Variants in RNF144A observed in about 807,000 individuals in gnomAD.
The protein encoded by RNF144A is E3 ubiquitin-protein ligase RNF144A.
RNF144A carries 11 observed loss-of-function variants against 38.7 expected under a neutral mutation model. The ratio of observed to expected loss-of-function variants is 0.28; its 90% confidence interval spans 0.18 to 0.47. The LOEUF (loss-of-function observed/expected upper bound fraction) is 0.47. Ranked by LOEUF, RNF144A falls within the 20% of genes least tolerant of loss-of-function variation. RNF144A has a pLI of 0.99. For synonymous variants in RNF144A, 149 were observed against 143.9 expected (o/e 1.04, Z -0.25); for missense variants, 316 against 377.2 (o/e 0.84, Z 1.34).
At chr2:7,048,305 G>A (rs557040103), downstream of RNF144A, among the ~76,000 whole-genome samples, 1 of 152,172 alleles carries the variant, frequency 6.6e-6, no homozygotes, top group African/African-American at 2.4e-5. Context: ...GGTGCCCATC[G>A]CAGGACAAAC....
chr2:6,942,530 C>T (rs1213254634), intron 2 of RNF144A, among the ~76,000 whole-genome samples: 1 of 152,212 alleles, frequency 6.6e-6, no homozygotes, highest in Non-Finnish European at 1.5e-5. Flanking sequence ...TCTGGATAGT[C>T]TGAAGAGAGA....
chr2:7,020,356 T>G, intron 5 of RNF144A, 117 bp from the exon 6 acceptor site: 1 of 850,696 alleles, frequency 1.2e-6, no homozygotes. Context: ...CTGGTGGTGC[T>G]GGCTGTATTA....
In RNF144A at chr2:7,059,618, C is replaced by T. The variant is rs375910232; in HGVS notation, c.735-8598C>T. ...GCAGAGTGACCAGTATAGAGAGAACCTTGGGGACCAGCTGGAGGCAGATAG... is the reference window on the plus strand; with the variant it reads ...GCAGAGTGACCAGTATAGAGAGAACTTTGGGGACCAGCTGGAGGCAGATAG... On this transcript the variant is annotated intron_variant, in intron 6 of 6. Coordinates refer to the RNF144A transcript ENST00000432850. Among the ~76,000 whole-genome samples the T allele has an allele frequency of 7.2e-5, 11 of 152,308 alleles. No individual in the cohort carries two copies. The South Asian group carries it at 2.3e-3, about 32-fold the overall frequency.
intron 1 of RNF144A, among the ~76,000 whole-genome samples, chr2:6,931,721 G>A (rs1665219479): frequency 6.6e-6 from 1 of 152,112 alleles, no homozygotes; most frequent in Admixed American, 6.5e-5. Context: ...TTAATCTCCA[G>A]ATATTTGGAG....
chr2:7,046,657 TC>T (rs1673317680), downstream of RNF144A, among the ~76,000 whole-genome samples: 1 of 152,164 alleles, frequency 6.6e-6, no homozygotes, highest in Non-Finnish European at 1.5e-5. Context: ...AGGACCCTCT[TC>T]CCTCCTGTTT....
chr2:7,037,988 G>T (rs908271873), intron 8 of RNF144A, among the ~76,000 whole-genome samples: 1 of 152,230 alleles, frequency 6.6e-6, no homozygotes, highest in African/African-American at 2.4e-5. Flanking sequence ...TCTGTGAATG[G>T]CGAGGCCGGC....
At chr2:7,057,409 T>C (rs188107048) in intron 6 of RNF144A, among the ~76,000 whole-genome samples, 30 of 152,228 alleles carry the variant, frequency 2.0e-4, no homozygotes, top group Middle Eastern at 3.4e-3. Context: ...CTGGAGGAAA[T>C]TGGGGAGTCC....
chr2:6,964,452 C>G (rs1667525359), intron 2 of RNF144A, among the ~76,000 whole-genome samples: 1 of 152,194 alleles, frequency 6.6e-6, no homozygotes, highest in Non-Finnish European at 1.5e-5. Context: ...CCATTTGACC[C>G]AGCCATCCCA....
chr2:6,991,669 T>C (rs1334774974), intron 2 of RNF144A, among the ~76,000 whole-genome samples: 1 of 152,178 alleles, frequency 6.6e-6, no homozygotes, highest in African/African-American at 2.4e-5. Context: ...AATAGCAAAC[T>C]ATCAAAGTCT....
chr2:7,001,812 A>AACATTGCTG (rs1670125984), intron 3 of RNF144A, among the ~76,000 whole-genome samples: 1 of 152,226 alleles, frequency 6.6e-6, no homozygotes, highest in Admixed American at 6.5e-5. Context: ...TGCGTGGCTG[A>AACATTGCTG]ACATTGCTGT....
intron 6 of RNF144A, among the ~76,000 whole-genome samples, chr2:7,056,903 C>CT (rs1558468221): frequency 6.6e-6 from 1 of 152,226 alleles, no homozygotes; most frequent in Non-Finnish European, 1.5e-5. Context: ...CCCCGGCAGT[C>CT]TGTCTGCCTG....
chr2:7,054,281 A>C (rs867430768), intron 6 of RNF144A, among the ~76,000 whole-genome samples: 1 of 152,244 alleles, frequency 6.6e-6, no homozygotes. Context: ...GTGTTCTTTC[A>C]GCCATCACCC....
intron 7 of RNF144A, 106 bp downstream of exon 7, chr2:7,024,622 T>G: frequency 1.6e-6 from 2 of 1,245,434 alleles, no homozygotes; most frequent in South Asian, 1.4e-5. Flanking sequence ...TGCCTACTCC[T>G]GTGTAACAGT....
intron 5 of RNF144A, among the ~76,000 whole-genome samples, chr2:7,018,141 G>T (rs1671263906): frequency 6.6e-6 from 1 of 152,196 alleles, no homozygotes; most frequent in Non-Finnish European, 1.5e-5. Flanking sequence ...TCTGCTCCTT[G>T]CTGATGTCAG....
intron 3 of RNF144A, among the ~76,000 whole-genome samples, chr2:7,004,979 A>G (rs1346345201): frequency 1.3e-5 from 2 of 152,198 alleles, no homozygotes; most frequent in African/African-American, 4.8e-5. Flanking sequence ...GGTAAGAGTG[A>G]GGTGGTTCTC....
intron 6 of RNF144A, 44 bp downstream of exon 6, chr2:7,020,724 C>T (rs1426599803): frequency 6.4e-7 from 1 of 1,553,878 alleles, no homozygotes; most frequent in Non-Finnish European, 8.8e-7. Flanking sequence ...TGGCTGTGGG[C>T]CAGGAGAAGC....
chr2:7,037,461 G>C (rs988036604), intron 8 of RNF144A, among the ~76,000 whole-genome samples: 6 of 152,218 alleles, frequency 3.9e-5, no homozygotes, highest in Non-Finnish European at 8.8e-5. Context: ...AGAGCTTACT[G>C]CATGTTTTAT....
chr2:6,990,155 G>A (rs1250948300), intron 2 of RNF144A, among the ~76,000 whole-genome samples: 2 of 152,074 alleles, frequency 1.3e-5, no homozygotes, highest in East Asian at 3.8e-4. Context: ...TTGCAGTTCT[G>A]GAGGCTGGAA....
downstream of RNF144A, among the ~76,000 whole-genome samples, chr2:7,068,929 C>T (rs149909042): frequency 7.5e-3 from 1,138 of 152,260 alleles, 9 homozygotes; most frequent in Middle Eastern, 0.048. Flanking sequence ...TTCCAGCCTC[C>T]GAGGTGAGTG....
Sources: gnomAD v4.1 joint callset for allele counts (sites outside exome capture counted in the v4.1 genomes callset) on GRCh38, gnomAD v4.1.1 for gene constraint, MANE v1.5 for transcripts, NCBI Gene and HGNC (gene_info 2026-07-23, HGNC 2026-07-21) for gene names.